The following ACSS2 variants were observed in gnomAD, a reference collection of about 807,000 sequenced individuals.
The protein encoded by ACSS2 is acyl-CoA synthetase short chain family member 2, also known as acetyl-coenzyme A synthetase, cytoplasmic.
In ACSS2, 58 loss-of-function variants were observed where a neutral mutation model predicts 90.6. The observed-to-expected ratio is 0.64, with a 90% confidence interval of 0.52 to 0.80. The LOEUF is 0.80. ACSS2 is among the 30% of genes least tolerant of loss of function. The pLI, the probability that ACSS2 is intolerant of heterozygous loss-of-function variation, is 0.00. For synonymous variants in ACSS2, 300 were observed against 330.9 expected (o/e 0.91, Z 1.01); for missense variants, 759 against 912.0 (o/e 0.83, Z 2.16).
At chr20:34,920,772 C>A in intron 9 of ACSS2, 63 bp downstream of exon 9, 1 of 1,555,046 alleles carries the variant, frequency 6.4e-7, no homozygotes, top group Non-Finnish European at 8.7e-7. Context: ...TGACTACCTC[C>A]CAAGGCTGCT....
intron 7 of ACSS2, among the ~76,000 whole-genome samples, chr20:34,918,464 A>T (rs2081123659): frequency 6.6e-6 from 1 of 152,234 alleles, no homozygotes; most frequent in African/African-American, 2.4e-5. Context: ...AAGTTTCAGG[A>T]TGACAGATCC....
intron 2 of ACSS2, among the ~76,000 whole-genome samples, chr20:34,900,960 C>T (rs1026671382): frequency 6.6e-6 from 1 of 152,176 alleles, no homozygotes; most frequent in Non-Finnish European, 1.5e-5. Flanking sequence ...GACATTTAGA[C>T]TCAAGAACTG....
At chr20:34,899,423 T>TTTCTTTCTCTTTCCTTCC (rs1491564858) in intron 2 of ACSS2, among the ~76,000 whole-genome samples, 7 of 113,078 alleles carry the variant, frequency 6.2e-5, no homozygotes, top group African/African-American at 2.5e-4. Context: ...TCTTTCTTTC[T>TTTCTTTCTCTTTCCTTCC]TTCCTTCCTT....
At chr20:34,924,547 G>A (rs1341920447) in intron 14 of ACSS2, among the ~76,000 whole-genome samples, 3 of 152,202 alleles carry the variant, frequency 2.0e-5, no homozygotes, top group Non-Finnish European at 2.9e-5. Context: ...ATGGACTGAA[G>A]CCTGTGTGGC....
rs370686336 is a variant in ACSS2 at position 34,913,411 on chromosome 20, G to A, written c.485G>A (p.Arg162Gln). 10 of 1,614,030 alleles carry A rather than the reference G, an allele frequency of 6.2e-6. No homozygotes were observed. Among genetic ancestry groups the A allele is most frequent in the African/African-American group, 1.3e-5 (1 of 75,030 alleles). ...LRKQGIQKGDRVAIYMPMIPE... is the reference protein window; with the variant it reads ...LRKQGIQKGDQVAIYMPMIPE... ...CCTGCAGGCATTCAGAAGGGGGACC[G>A]AGTGGCCATCTACATGCCTATGATC... The change falls in exon 4 of 18, where the codon CGA (arginine) becomes CAA (glutamine). Residue 162 changes from arginine to glutamine, a missense_variant. Transcript: ENST00000360596.
At chr20:34,926,312 G>T in intron 16 of ACSS2, 31 bp downstream of exon 16, 2 of 1,605,032 alleles carry the variant, frequency 1.2e-6, no homozygotes, top group Non-Finnish European at 1.7e-6. Context: ...GGGACTATAG[G>T]GTCTGTCTTG....
chr20:34,909,925 C>A (rs766112955), intron 2 of ACSS2, among the ~76,000 whole-genome samples: 23 of 151,994 alleles, frequency 1.5e-4, no homozygotes, highest in Non-Finnish European at 1.9e-4. Flanking sequence ...CCATGTTGGC[C>A]AGGCTGGTCT....
intron 2 of ACSS2, among the ~76,000 whole-genome samples, chr20:34,889,658 C>A (rs1013469010): frequency 8.5e-5 from 13 of 152,144 alleles, no homozygotes; most frequent in Non-Finnish European, 5.9e-5. Context: ...AAAGTAGAAG[C>A]AGGGTAACCA....
rs546163623 is a variant in ACSS2, at chr20:34,896,548, T to G, written c.374+13559T>G. Among the ~76,000 whole-genome samples, 85 of 152,374 alleles carry G rather than the reference T, an allele frequency of 5.6e-4. 1 individual carries two copies. The South Asian group carries it at 0.016, about 28-fold the overall frequency. ...ATAAGCAGAGATAAGTTTGTTCATT[T>G]ATTTATTCATTCTTTTATCTATTCA... On this transcript the variant is annotated intron_variant, in intron 2 of 17. Coordinates refer to ENST00000360596, the MANE Select transcript of ACSS2 (RefSeq NM_018677.4).
At chr20:34,906,397 TA>T in intron 2 of ACSS2, among the ~76,000 whole-genome samples, 1 of 149,012 alleles carries the variant, frequency 6.7e-6, no homozygotes, top group Non-Finnish European at 1.5e-5. Context: ...AGTAGGCCAA[TA>T]CCCTGCCCCT....
Position 34,913,771 on chromosome 20 carries a change from G to A in ACSS2, c.589G>A (p.Glu197Lys). The change falls in exon 5 of 18, where the codon GAG (glutamate) becomes AAG (lysine). Residue 197 changes from glutamate (E) to lysine (K), a missense_variant. Physicochemically the swap from Glu to Lys is moderately conservative, Grantham distance 56 (BLOSUM62 1). Transcript: ENST00000360596. ...HSIVFAGFSS[E>K]SLCERILDSS... is the part of the protein sequence containing the mutation. ...TCCCTAGTTTGCAGGCTTCTCTTCA[G>A]AGTCTCTATGTGAACGGATCTTGGA... is the stretch of plus-strand genomic sequence containing the variant. The A allele has an allele frequency of 6.2e-7, 1 of 1,614,114 alleles. No homozygotes were observed. Among genetic ancestry groups the A allele is most frequent in the Non-Finnish European group, 8.5e-7 (1 of 1,180,014 alleles).
chr20:34,877,470 G>T (rs1241522829), intron 1 of ACSS2, among the ~76,000 whole-genome samples: 2 of 152,168 alleles, frequency 1.3e-5, no homozygotes, highest in Non-Finnish European at 2.9e-5. Flanking sequence ...GGCTGGGATT[G>T]TATTAGTAAT....
chr20:34,926,729 A>C (rs2081326797), intron 16 of ACSS2, 148 bp from the exon 17 acceptor site: 2 of 714,140 alleles, frequency 2.8e-6, no homozygotes, highest in Admixed American at 4.9e-5. Context: ...AAGTGTGTTG[A>C]GAGCAAGAGA....
At chr20:34,883,131 C>T in intron 2 of ACSS2, 142 bp downstream of exon 2, 1 of 615,822 alleles carries the variant, frequency 1.6e-6, no homozygotes, top group Non-Finnish European at 2.8e-6. Flanking sequence ...TGACTTCCTT[C>T]AGATCACATA....
At chr20:34,876,444 T>C, upstream of ACSS2, 2 of 477,330 alleles carry the variant, frequency 4.2e-6, no homozygotes, top group Non-Finnish European at 6.7e-6. Flanking sequence ...TTATAGTATT[T>C]CTGTCCTTGC....
rs533772118 is a variant in ACSS2 at position 34,887,115 on chromosome 20, C to T, written c.374+4126C>T. On this transcript the variant is annotated intron_variant, in intron 2 of 17. Transcript: ENST00000360596. The stretch of plus-strand genomic sequence containing the variant: ...TAGTATTTTTAGAACTTGAAGTGAC[C>T]GTTAGAGTCCATCTAGGCCAACTCT... 4.5e-4 allele frequency among the ~76,000 whole-genome samples: 68 copies of T among 152,258 alleles called. No individual in the cohort carries two copies. The South Asian group carries it at 8.7e-3, about 19-fold the overall frequency.
chr20:34,896,237 C>T (rs1201112683), intron 2 of ACSS2, among the ~76,000 whole-genome samples: 1 of 152,192 alleles, frequency 6.6e-6, no homozygotes, highest in Admixed American at 6.5e-5. Context: ...CTGAAAATAG[C>T]TGGCAAGAGG....
chr20:34,920,918 G>C, intron 9 of ACSS2, 88 bp from the exon 10 acceptor site: 1 of 1,582,166 alleles, frequency 6.3e-7, no homozygotes, highest in Middle Eastern at 1.7e-4. Context: ...GGTCAGAAAG[G>C]GCAAAATACT....
chr20:34,913,596 G>A, intron 4 of ACSS2, 100 bp downstream of exon 4: 2 of 1,296,480 alleles, frequency 1.5e-6, no homozygotes, highest in Admixed American at 3.8e-5. Context: ...ACAAACTAAG[G>A]AGCTTAGAAG....
Sources: allele counts gnomAD v4.1 joint callset (sites outside exome capture counted in the v4.1 genomes callset), GRCh38; gene constraint gnomAD v4.1.1; transcripts MANE v1.5; gene names NCBI Gene and HGNC (gene_info 2026-07-23, HGNC 2026-07-21).